SEMA3E: variants seen among roughly 807,000 people sequenced by gnomAD.
The protein encoded by SEMA3E is semaphorin 3E.
Under a neutral mutation model 93.6 loss-of-function variants are expected in SEMA3E, and 49 were observed. That is an observed-to-expected ratio of 0.52 (90% confidence interval 0.42 to 0.66). The LOEUF is 0.66. SEMA3E is among the 30% of genes least tolerant of loss of function. The pLI, the probability that SEMA3E is intolerant of heterozygous loss-of-function variation, is 0.00. For synonymous variants in SEMA3E, 363 were observed against 330.7 expected, an observed-to-expected ratio of 1.10 and a Z score of -1.06; for missense variants, 906 against 964.8, an observed-to-expected ratio of 0.94 and a Z score of 0.81.
At chr7:83,492,367 G>A (rs1473530318) in intron 1 of SEMA3E, among the ~76,000 whole-genome samples, 2 of 151,838 alleles carry the variant, frequency 1.3e-5, no homozygotes, top group Non-Finnish European at 2.9e-5. Context: ...ATCCCTGCAC[G>A]CACATGGCAA....
At chr7:83,580,612 A>C (rs533289976) in intron 1 of SEMA3E, among the ~76,000 whole-genome samples, 1 of 151,920 alleles carries the variant, frequency 6.6e-6, no homozygotes, top group Non-Finnish European at 1.5e-5. Context: ...GCTAATTCCA[A>C]CTCATCAAGC....
At chr7:83,561,246 T>C (rs1792023957) in intron 1 of SEMA3E, among the ~76,000 whole-genome samples, 1 of 152,198 alleles carries the variant, frequency 6.6e-6, no homozygotes, top group South Asian at 2.1e-4. Flanking sequence ...ATCTCTATAA[T>C]CATCTGTTTT....
At chr7:83,435,595 A>G (rs1473741968) in intron 4 of SEMA3E, among the ~76,000 whole-genome samples, 6 of 150,082 alleles carry the variant, frequency 4.0e-5, no homozygotes, top group African/African-American at 1.5e-4. Flanking sequence ...ACCTCCGTCC[A>G]AAAAAAATAA....
intron 1 of SEMA3E, among the ~76,000 whole-genome samples, chr7:83,538,175 G>A (rs926300745): frequency 3.2e-4 from 49 of 152,010 alleles, no homozygotes; most frequent in African/African-American, 1.1e-3. Context: ...TTGTATACAA[G>A]TTTCTGTGTG....
At chr7:83,440,935 G>A (rs1317825334) in intron 4 of SEMA3E, among the ~76,000 whole-genome samples, 1 of 152,108 alleles carries the variant, frequency 6.6e-6, no homozygotes, top group African/African-American at 2.4e-5. Flanking sequence ...TTATATTAGA[G>A]CCAGACTCTG....
At chr7:83,613,427 A>C (rs1319060034) in intron 1 of SEMA3E, among the ~76,000 whole-genome samples, 1 of 152,112 alleles carries the variant, frequency 6.6e-6, no homozygotes, top group Non-Finnish European at 1.5e-5. Flanking sequence ...ACCACAAAAC[A>C]ATGTGAAATG....
At chr7:83,541,834 A>G (rs1191154934) in intron 1 of SEMA3E, among the ~76,000 whole-genome samples, 1 of 151,348 alleles carries the variant, frequency 6.6e-6, no homozygotes, top group East Asian at 2.0e-4. Flanking sequence ...GAGATTTCGT[A>G]TGTTGGAAGG....
At chr7:83,512,299 T>C (rs1255317149) in intron 1 of SEMA3E, among the ~76,000 whole-genome samples, 1 of 152,156 alleles carries the variant, frequency 6.6e-6, no homozygotes, top group Non-Finnish European at 1.5e-5. Context: ...AAAGAAAGTC[T>C]TTGGAGAGGA....
chr7:83,567,650 G>A (rs906582970), intron 1 of SEMA3E, among the ~76,000 whole-genome samples: 1 of 152,068 alleles, frequency 6.6e-6, no homozygotes, highest in African/African-American at 2.4e-5. Context: ...ACATGCTCCT[G>A]AATGACCATT....
At chr7:83,578,039 G>A (rs1029748033) in intron 1 of SEMA3E, among the ~76,000 whole-genome samples, 1 of 151,362 alleles carries the variant, frequency 6.6e-6, no homozygotes, top group Non-Finnish European at 1.5e-5. Flanking sequence ...ACATTAACTC[G>A]TATTGTTAGC....
At chr7:83,394,399 T>C in intron 12 of SEMA3E, 61 bp from the exon 13 acceptor site, 1 of 1,394,572 alleles carries the variant, frequency 7.2e-7, no homozygotes, top group Non-Finnish European at 1.0e-6. Flanking sequence ...TACCTTAATA[T>C]GGTTGTAAAC....
At chr7:83,597,094 G>A (rs936201662) in intron 1 of SEMA3E, among the ~76,000 whole-genome samples, 1 of 152,012 alleles carries the variant, frequency 6.6e-6, no homozygotes, top group Admixed American at 6.6e-5. Context: ...TTAGCTTATA[G>A]AACCACCAGT....
chr7:83,390,851 A>G (rs887078158), intron 14 of SEMA3E, among the ~76,000 whole-genome samples: 1 of 152,160 alleles, frequency 6.6e-6, no homozygotes, highest in Non-Finnish European at 1.5e-5. Flanking sequence ...TTTGTCCACC[A>G]CATCTACTGT....
intron 2 of SEMA3E, among the ~76,000 whole-genome samples, chr7:83,487,302 T>G (rs533813363): frequency 6.6e-6 from 1 of 152,270 alleles, no homozygotes; most frequent in Non-Finnish European, 1.5e-5. Flanking sequence ...ACCTATTTGT[T>G]ATAAACGTGG....
chr7:83,443,938 T>C (rs1789173305), intron 4 of SEMA3E, among the ~76,000 whole-genome samples: 1 of 148,748 alleles, frequency 6.7e-6, no homozygotes. Context: ...TATATATATA[T>C]ATGTTTATTA....
In SEMA3E at chr7:83,618,573, C is replaced by T. The variant is rs904931670; in HGVS notation, c.115+29855G>A. Among the ~76,000 whole-genome samples, 6 of 152,000 alleles carry T rather than the reference C, an allele frequency of 3.9e-5. No homozygotes were observed. The South Asian group carries it at 1.2e-3, about 31-fold the overall frequency. Reference sequence around the variant, plus strand: ...TGCCTCAAGGTTATTCTCATTTGGACAGTAATTGATCAAGTATTGGTAAAA... The same window carrying T: ...TGCCTCAAGGTTATTCTCATTTGGATAGTAATTGATCAAGTATTGGTAAAA... On this transcript the variant is annotated intron_variant, in intron 1 of 16. Coordinates refer to ENST00000643230, the MANE Select transcript of SEMA3E (RefSeq NM_012431.3).
chr7:83,595,612 A>G (rs901727571), intron 1 of SEMA3E, among the ~76,000 whole-genome samples: 3 of 152,044 alleles, frequency 2.0e-5, no homozygotes, highest in African/African-American at 7.2e-5. Context: ...TGCAGTATAT[A>G]TTCATCCTTT....
chr7:83,579,948 T>C (rs907983948), intron 1 of SEMA3E, among the ~76,000 whole-genome samples: 2 of 152,034 alleles, frequency 1.3e-5, no homozygotes, highest in African/African-American at 4.8e-5. Context: ...GAATGAGTCA[T>C]TCTTGGGAAC....
At chr7:83,402,546 T>G (rs1466756029) in intron 10 of SEMA3E, 86 bp downstream of exon 10, 2 of 1,244,228 alleles carry the variant, frequency 1.6e-6, no homozygotes, top group Non-Finnish European at 2.3e-6. Flanking sequence ...TAATTGTTTA[T>G]CTGCAAAGTC....
Sources: allele counts gnomAD v4.1 joint callset (sites outside exome capture counted in the v4.1 genomes callset), GRCh38; gene constraint gnomAD v4.1.1; transcripts MANE v1.5; gene names NCBI Gene and HGNC (gene_info 2026-07-23, HGNC 2026-07-21).